The following MYO3A variants were observed in gnomAD, a reference collection of about 807,000 sequenced individuals.
MYO3A encodes the protein myosin IIIA.
A neutral mutation model predicts 192.7 loss-of-function variants in MYO3A; 180 were observed. The ratio of observed to expected loss-of-function variants is 0.93; its 90% CI spans 0.83 to 1.06. MYO3A has a LOEUF of 1.06. Among genes scored for constraint, MYO3A ranks in the 50% least tolerant of loss-of-function variants. The pLI, the probability that MYO3A is intolerant of heterozygous loss-of-function variation, is 0.00. For synonymous variants in MYO3A, 628 were observed against 645.3 expected (o/e 0.97, Z 0.41); for missense variants, 1,896 against 1,905.0 (o/e 1.00, Z 0.09).
At chr10:26,019,200 G>A (rs117834375) in intron 7 of MYO3A, among the ~76,000 whole-genome samples, 9,867 of 150,434 alleles carry the variant, frequency 0.066, 417 homozygotes, top group Non-Finnish European at 0.094. Flanking sequence ...TCTGTGGACT[G>A]GCCTTTTCTG....
intron 27 of MYO3A, among the ~76,000 whole-genome samples, chr10:26,168,025 C>A (rs1033443706): frequency 6.6e-6 from 1 of 152,196 alleles, no homozygotes; most frequent in African/African-American, 2.4e-5. Context: ...ACACGCCAAG[C>A]CTTCTGGCTC....
At chr10:26,159,502 C>T (rs1344500355) in intron 26 of MYO3A, among the ~76,000 whole-genome samples, 4 of 151,280 alleles carry the variant, frequency 2.6e-5, no homozygotes, top group African/African-American at 7.3e-5. Context: ...GCCTCAGCCT[C>T]CCGAGTAGCT....
rs1337735408 is a variant in MYO3A at position 26,120,742 on chromosome 10, G to C, written c.1843G>C (p.Val615Leu). 5.6e-6 allele frequency: 9 copies of C among 1,614,034 alleles called. No homozygotes were observed. The highest frequency in any genetic ancestry group is 7.6e-6 in the Non-Finnish European group (9 of 1,179,976). ...LNVGNIEFSSVATEHQIDKSH... is the reference protein window; with the variant it reads ...LNVGNIEFSSLATEHQIDKSH... Reference sequence around the variant, plus strand: ...TGTTGGCAACATTGAATTTTCTTCTGTGGCAACTGAACACCAGATTGACAA... The same window carrying C: ...TGTTGGCAACATTGAATTTTCTTCTCTGGCAACTGAACACCAGATTGACAA... The change falls in exon 18 of 35, where the codon GTG (valine) becomes CTG (leucine). Residue 615 changes from valine to leucine, a missense_variant. Transcript: ENST00000642920.
chr10:26,066,622 T>G (rs1450351145), intron 10 of MYO3A, among the ~76,000 whole-genome samples: 1 of 152,194 alleles, frequency 6.6e-6, no homozygotes, highest in African/African-American at 2.4e-5. Flanking sequence ...TAACACTATC[T>G]CCAACAAAAT....
intron 4 of MYO3A, among the ~76,000 whole-genome samples, chr10:25,958,873 C>T (rs1837732258): frequency 6.6e-6 from 1 of 151,216 alleles, no homozygotes; most frequent in Non-Finnish European, 1.5e-5. Flanking sequence ...TTGTTTTTAT[C>T]TGGCTTTCAC....
chr10:26,002,604 G>A (rs140439373), intron 6 of MYO3A, among the ~76,000 whole-genome samples: 9,587 of 149,254 alleles, frequency 0.064, 435 homozygotes, highest in Non-Finnish European at 0.094. Context: ...CCAGGTAATC[G>A]GAATGAGTCA....
intron 14 of MYO3A, among the ~76,000 whole-genome samples, chr10:26,075,942 G>A (rs1271645180): frequency 2.0e-5 from 3 of 151,508 alleles, no homozygotes; most frequent in Admixed American, 1.3e-4. Context: ...ATTGTAAATT[G>A]TGCTGCTATA....
intron 7 of MYO3A, among the ~76,000 whole-genome samples, chr10:26,018,912 C>A (rs1842124437): frequency 6.6e-6 from 1 of 152,144 alleles, no homozygotes; most frequent in African/African-American, 2.4e-5. Context: ...TTTTTACACT[C>A]TAGCAAACAA....
chr10:26,041,676 G>A (rs1226813164), intron 10 of MYO3A, among the ~76,000 whole-genome samples: 1 of 147,884 alleles, frequency 6.8e-6, no homozygotes, highest in Non-Finnish European at 1.5e-5. Flanking sequence ...ACTTAACAAT[G>A]TTTGCATAAA....
chr10:25,985,423 A>G (rs1839593305), intron 4 of MYO3A, among the ~76,000 whole-genome samples: 1 of 152,048 alleles, frequency 6.6e-6, no homozygotes, highest in African/African-American at 2.4e-5. Flanking sequence ...ACAACAGATA[A>G]ATGAAATAAA....
At chr10:26,117,428 A>G (rs949480710) in intron 17 of MYO3A, among the ~76,000 whole-genome samples, 1 of 152,134 alleles carries the variant, frequency 6.6e-6, no homozygotes, top group Non-Finnish European at 1.5e-5. Context: ...CCCAGGTATT[A>G]AGCCTGGTAC....
At chr10:25,967,071 T>C (rs11014879) in intron 4 of MYO3A, among the ~76,000 whole-genome samples, 6,171 of 152,158 alleles carry the variant, frequency 0.041, 452 homozygotes, top group African/African-American at 0.14. Flanking sequence ...CTGAAGAAAT[T>C]GGAAAGGCAG....
At chr10:26,018,625 C>T (rs974500269) in intron 7 of MYO3A, among the ~76,000 whole-genome samples, 2 of 152,082 alleles carry the variant, frequency 1.3e-5, no homozygotes, top group South Asian at 2.1e-4. Flanking sequence ...ACATCCTCTG[C>T]CAGGATGAAG....
Position 26,212,122 on chromosome 10 carries a change from C to A in MYO3A, c.*159C>A. ...GCGCTCGGCCCTCAAGTGCCCGGGC[C>A]GGCCTTCGTGCTCCGAAACAAGAGA... On this transcript the variant is annotated 3_prime_UTR_variant, in exon 35 of 35. Coordinates refer to ENST00000642920, the MANE Select transcript of MYO3A (RefSeq NM_017433.5). The A allele has an allele frequency of 8.8e-7, 1 of 1,131,198 alleles. No homozygotes were observed. The highest frequency in any genetic ancestry group is 1.2e-6 in the Non-Finnish European group (1 of 829,442). The allele number at this position is 1,131,198 out of a possible 1,614,324, so 70.1% of individuals were successfully genotyped here. A position where few individuals can be genotyped will look rare whatever the true frequency, so the allele number is the denominator to read the frequency against.
chr10:26,057,449 A>G (rs530470635), intron 10 of MYO3A, among the ~76,000 whole-genome samples: 18 of 152,336 alleles, frequency 1.2e-4, no homozygotes, highest in Admixed American at 5.9e-4. Context: ...GAGGAGATAC[A>G]TGAAAATATA....
chr10:26,187,381 G>C (rs902833622), intron 31 of MYO3A, among the ~76,000 whole-genome samples: 3 of 152,184 alleles, frequency 2.0e-5, no homozygotes, highest in Non-Finnish European at 4.4e-5. Flanking sequence ...CAGTTCTGGA[G>C]GCTAGAAGTT....
chr10:26,154,641 T>G, intron 24 of MYO3A, 105 bp from the exon 25 acceptor site: 1 of 982,648 alleles, frequency 1.0e-6, no homozygotes, highest in Non-Finnish European at 1.6e-6. Context: ...TTTACATATT[T>G]GAATGCATAA....
chr10:26,210,482 A>T (rs1396891623), intron 34 of MYO3A, among the ~76,000 whole-genome samples: 3 of 152,120 alleles, frequency 2.0e-5, no homozygotes, highest in Non-Finnish European at 4.4e-5. Context: ...GTATGACCAT[A>T]ATCTGGCCAG....
intron 7 of MYO3A, 39 bp downstream of exon 7, chr10:26,016,935 A>C: frequency 6.3e-7 from 1 of 1,577,596 alleles, no homozygotes; most frequent in Non-Finnish European, 8.7e-7. Context: ...GTAATAGCTG[A>C]TCCTGTTTGA....
Sources: gnomAD v4.1 joint callset for allele counts (sites outside exome capture counted in the v4.1 genomes callset) on GRCh38, gnomAD v4.1.1 for gene constraint, MANE v1.5 for transcripts, NCBI Gene and HGNC (gene_info 2026-07-23, HGNC 2026-07-21) for gene names.